The following LDB2 variants were observed in gnomAD, a reference collection of about 807,000 sequenced individuals.
LDB2 encodes the protein LIM domain-binding protein 2.
Under a neutral mutation model 44.3 loss-of-function variants are expected in LDB2, and 12 were observed. That is an observed-to-expected ratio of 0.27 (90% CI 0.17 to 0.44). LDB2 has a LOEUF of 0.44. LDB2 is among the 20% of genes least tolerant of loss of function. The pLI is 1.00. For missense variants in LDB2, 344 were observed against 473.5 expected (o/e 0.73, Z 2.54); for synonymous variants, 164 against 174.8 (o/e 0.94, Z 0.49).
At chr4:16,636,368 A>G (rs1187816712) in intron 2 of LDB2, among the ~76,000 whole-genome samples, 1 of 152,204 alleles carries the variant, frequency 6.6e-6, no homozygotes, top group African/African-American at 2.4e-5. Flanking sequence ...CTTCTCCCAA[A>G]TTACTAGACC....
chr4:16,582,605 AT>A lies in LDB2; in HGVS notation c.615+3316del, dbSNP rs1382600107. ...TGCTTCGTGAAACCCACCACCCGGT[AT>A]CGGAATACCCAACAGCAACAAAATA... is the stretch of plus-strand genomic sequence containing the variant. On this transcript the variant is annotated intron_variant, in intron 5 of 7. Coordinates refer to ENST00000304523, the MANE Select transcript of LDB2 (RefSeq NM_001290.5). The surrounding 1 kb of genome is among the most constrained non-coding windows in gnomAD (Gnocchi z 4.8). Among the ~76,000 whole-genome samples, 2 of 152,172 alleles carry A rather than the reference AT, an allele frequency of 1.3e-5. No homozygotes were observed. The highest frequency in any genetic ancestry group is 2.9e-5 in the Non-Finnish European group (2 of 68,016).
At chr4:16,874,561 T>C (rs1266978754) in intron 1 of LDB2, among the ~76,000 whole-genome samples, 1 of 152,148 alleles carries the variant, frequency 6.6e-6, no homozygotes, top group East Asian at 1.9e-4. Context: ...CTCAATCAAA[T>C]AGTTGAGGGT....
intron 1 of LDB2, 58 bp downstream of exon 1, chr4:16,898,296 A>G (rs1725906331): frequency 2.6e-6 from 4 of 1,537,282 alleles, no homozygotes; most frequent in Non-Finnish European, 3.6e-6. Flanking sequence ...CCCTAGGAAA[A>G]GCTCATGCAT....
At chr4:16,717,979 A>C (rs1757440901) in intron 2 of LDB2, among the ~76,000 whole-genome samples, 2 of 152,218 alleles carry the variant, frequency 1.3e-5, no homozygotes. Context: ...AATAATGGAA[A>C]TACAAGTTAA....
chr4:16,635,412 G>A (rs1382420021), intron 2 of LDB2, among the ~76,000 whole-genome samples: 2 of 152,136 alleles, frequency 1.3e-5, no homozygotes, highest in Admixed American at 6.5e-5. Flanking sequence ...CTTGAGTCCC[G>A]TGTTGAGAAG....
At chr4:16,741,285 A>G (rs1579239797) in intron 2 of LDB2, among the ~76,000 whole-genome samples, 1 of 152,252 alleles carries the variant, frequency 6.6e-6, no homozygotes, top group East Asian at 1.9e-4. Context: ...CATTCAACAA[A>G]TATCATTCAC....
intron 2 of LDB2, among the ~76,000 whole-genome samples, chr4:16,692,637 G>C (rs915190374): frequency 3.3e-5 from 5 of 152,006 alleles, no homozygotes; most frequent in African/African-American, 1.2e-4. Flanking sequence ...TTCAAGTTTG[G>C]AATTTTCCAC....
At chr4:16,829,908 C>T (rs1783759652) in intron 1 of LDB2, among the ~76,000 whole-genome samples, 1 of 152,056 alleles carries the variant, frequency 6.6e-6, no homozygotes, top group Non-Finnish European at 1.5e-5. Context: ...AGATTGAGAC[C>T]ATCCTGGCCG....
chr4:16,693,039 C>T (rs1751171089), intron 2 of LDB2, among the ~76,000 whole-genome samples: 1 of 152,138 alleles, frequency 6.6e-6, no homozygotes, highest in South Asian at 2.1e-4. Flanking sequence ...ATTATCTGGA[C>T]CAGGTCCCCT....
At chr4:16,813,405 A>G (rs1780284436) in intron 1 of LDB2, among the ~76,000 whole-genome samples, 1 of 152,160 alleles carries the variant, frequency 6.6e-6, no homozygotes, top group Non-Finnish European at 1.5e-5. Context: ...ATGCATAGTG[A>G]ATACTCAGTA....
chr4:16,532,121 T>C (rs1730351153), intron 5 of LDB2, among the ~76,000 whole-genome samples: 1 of 152,206 alleles, frequency 6.6e-6, no homozygotes, highest in Admixed American at 6.5e-5. Flanking sequence ...CCCTTCTCTT[T>C]CCACTTACTC....
chr4:16,618,471 A>C (rs890449719), intron 2 of LDB2, among the ~76,000 whole-genome samples: 1 of 152,180 alleles, frequency 6.6e-6, no homozygotes, highest in Non-Finnish European at 1.5e-5. Context: ...GTATATATGT[A>C]TGAATGTATA....
At chr4:16,793,198 AC>A (rs1288275978) in intron 1 of LDB2, among the ~76,000 whole-genome samples, 1 of 152,184 alleles carries the variant, frequency 6.6e-6, no homozygotes, top group Non-Finnish European at 1.5e-5. Context: ...AAATTGGTAT[AC>A]GCGTTGCCTT....
At position 16,694,807 on chromosome 4, in the gene LDB2, G is replaced by A. The variant is rs149159289; in HGVS notation, c.235+64351C>T. ...ACCTACCTTCCAGAGTTGTGGAGAG[G>A]ATTTAAAGTGCAGACGCAGGTAAAC... On this transcript the variant is annotated intron_variant, in intron 2 of 7. Coordinates refer to ENST00000304523, the MANE Select transcript of LDB2 (RefSeq NM_001290.5). 9.5e-3 allele frequency among the ~76,000 whole-genome samples: 1,441 copies of A among 152,314 alleles called. 29 individuals are homozygous for A. Among genetic ancestry groups the A allele is most frequent in the African/African-American group, 0.032 (1,344 of 41,564 alleles).
At chr4:16,787,477 G>A (rs1159346355) in intron 1 of LDB2, among the ~76,000 whole-genome samples, 2 of 152,118 alleles carry the variant, frequency 1.3e-5, no homozygotes, top group African/African-American at 2.4e-5. Flanking sequence ...CGCCAGGCGT[G>A]GTGGCATGCG....
intron 2 of LDB2, among the ~76,000 whole-genome samples, chr4:16,729,736 G>A (rs1199885651): frequency 6.6e-6 from 1 of 152,146 alleles, no homozygotes; most frequent in Non-Finnish European, 1.5e-5. Context: ...TATTTTAAAA[G>A]TGGTTATCAT....
At chr4:16,524,294 G>A (rs1448886572) in intron 5 of LDB2, among the ~76,000 whole-genome samples, 1 of 152,156 alleles carries the variant, frequency 6.6e-6, no homozygotes, top group Non-Finnish European at 1.5e-5. Flanking sequence ...GGGAGAGACA[G>A]GTGATAAACA....
intron 1 of LDB2, among the ~76,000 whole-genome samples, chr4:16,801,806 AC>A (rs1326890253): frequency 6.6e-6 from 1 of 152,134 alleles, no homozygotes; most frequent in African/African-American, 2.4e-5. Context: ...ACCCCCACCC[AC>A]CCATACCTGG....
At chr4:16,892,489 T>G (rs560896252) in intron 1 of LDB2, among the ~76,000 whole-genome samples, 1 of 152,250 alleles carries the variant, frequency 6.6e-6, no homozygotes, top group Non-Finnish European at 1.5e-5. Context: ...ACGAAGGTAT[T>G]TGTAGTATCT....
Sources: gnomAD v4.1 joint callset for allele counts (sites outside exome capture counted in the v4.1 genomes callset) on GRCh38, gnomAD v4.1.1 for gene constraint, Gnocchi (gnomAD v3.1) non-coding constraint, MANE v1.5 for transcripts, NCBI Gene and HGNC (gene_info 2026-07-23, HGNC 2026-07-21) for gene names.